NBEA: variants seen among roughly 807,000 people sequenced by gnomAD.
The protein encoded by NBEA is neurobeachin.
A neutral mutation model predicts 343.4 loss-of-function variants in NBEA; 44 were observed. The observed-to-expected ratio is 0.13, with a 90% CI of 0.10 to 0.16. The LOEUF is 0.16. Among genes scored for constraint, NBEA ranks in the 10% least tolerant of loss-of-function variants. The probability of loss-of-function intolerance (pLI) is 1.00; values close to 1 mark genes in which losing one functional copy is unlikely to be tolerated. For missense variants in NBEA, 2,555 were observed against 3,631.3 expected (o/e 0.70, Z 7.62); for synonymous variants, 1,175 against 1,238.7 (o/e 0.95, Z 1.08).
chr13:35,143,248 G>A (rs1030584235), intron 18 of NBEA, among the ~76,000 whole-genome samples: 1 of 152,180 alleles, frequency 6.6e-6, no homozygotes, highest in African/African-American at 2.4e-5. Context: ...TGCCACGACC[G>A]CAGAGTTAAA....
At chr13:35,062,135 G>T (rs2063489765) in intron 8 of NBEA, among the ~76,000 whole-genome samples, 1 of 151,584 alleles carries the variant, frequency 6.6e-6, no homozygotes, top group Admixed American at 6.6e-5. Flanking sequence ...TAGTGAGGTA[G>T]AGAAAAATTT....
intron 41 of NBEA, among the ~76,000 whole-genome samples, chr13:35,513,839 A>G (rs912551285): frequency 2.0e-4 from 31 of 152,202 alleles, no homozygotes; most frequent in African/African-American, 7.5e-4. Context: ...TACTTTTTTA[A>G]AAAAACCTAA....
chr13:35,274,239 A>G (rs2034414040), intron 34 of NBEA, among the ~76,000 whole-genome samples: 1 of 152,234 alleles, frequency 6.6e-6, no homozygotes, highest in Non-Finnish European at 1.5e-5. Context: ...AATCCATGAC[A>G]TAAACAGAAC....
At chr13:35,046,853 A>G (rs980048993) in intron 4 of NBEA, among the ~76,000 whole-genome samples, 13 of 152,062 alleles carry the variant, frequency 8.5e-5, no homozygotes, top group Admixed American at 2.6e-4. Flanking sequence ...GTACCTCATC[A>G]TAGTTTTAAT....
intron 48 of NBEA, among the ~76,000 whole-genome samples, chr13:35,616,234 G>GT (rs1482841439): frequency 6.6e-6 from 1 of 152,150 alleles, no homozygotes; most frequent in East Asian, 1.9e-4. Flanking sequence ...CCGTCTTAAA[G>GT]TCTGTAAAAT....
chr13:35,198,817 A>C (rs1465206335), intron 31 of NBEA, among the ~76,000 whole-genome samples: 2 of 152,148 alleles, frequency 1.3e-5, no homozygotes, highest in South Asian at 2.1e-4. Flanking sequence ...GCGGCCTTGC[A>C]CTGCACGTAA....
intron 35 of NBEA, among the ~76,000 whole-genome samples, chr13:35,301,731 A>G (rs1256567378): frequency 1.3e-5 from 2 of 152,080 alleles, no homozygotes; most frequent in African/African-American, 4.8e-5. Context: ...GTCAAATGGT[A>G]TTTCTGGTTC....
rs114844323 is a variant in NBEA, at chr13:35,127,491, A to G, written c.2336+3917A>G. Among the ~76,000 whole-genome samples, 699 of 152,322 alleles carry G rather than the reference A, an allele frequency of 4.6e-3. 2 individuals carry two copies. Among genetic ancestry groups the G allele is most frequent in the African/African-American group, 0.016 (675 of 41,592 alleles). ...CCAGAATTTACTTTTTATATATGCTAATAATGTACAAATGACACAACCGTA... is the reference window on the plus strand; with the variant it reads ...CCAGAATTTACTTTTTATATATGCTGATAATGTACAAATGACACAACCGTA... On this transcript the variant is annotated intron_variant, in intron 17 of 58. Coordinates refer to ENST00000379939, the MANE Select transcript of NBEA (RefSeq NM_001385012.1).
chr13:35,000,593 A>AAC (rs58091499), intron 1 of NBEA, among the ~76,000 whole-genome samples: 7,432 of 147,358 alleles, frequency 0.05, 430 homozygotes, highest in African/African-American at 0.14. Flanking sequence ...TAATATATAT[A>AAC]ACACACACAC....
chr13:34,966,695 A>T (rs2152495554), intron 1 of NBEA, among the ~76,000 whole-genome samples: 1 of 150,366 alleles, frequency 6.7e-6, no homozygotes, highest in African/African-American at 2.4e-5. Context: ...TATGAAAATG[A>T]GGTAAATGAT....
chr13:35,466,436 C>A (rs1047510242), intron 40 of NBEA, among the ~76,000 whole-genome samples: 4 of 152,112 alleles, frequency 2.6e-5, no homozygotes, highest in Non-Finnish European at 5.9e-5. Context: ...GCATTGTATT[C>A]TATGAGTTGT....
intron 23 of NBEA, among the ~76,000 whole-genome samples, chr13:35,163,501 T>G (rs1276341303): frequency 1.3e-5 from 2 of 151,736 alleles, no homozygotes; most frequent in Non-Finnish European, 2.9e-5. Flanking sequence ...GGCGTGGTGG[T>G]GTCCACCTGT....
intron 1 of NBEA, among the ~76,000 whole-genome samples, chr13:34,976,748 C>T (rs2060192043): frequency 1.3e-5 from 2 of 149,152 alleles, no homozygotes; most frequent in African/African-American, 5.0e-5. Flanking sequence ...GAGGCCTAAG[C>T]ATGGAGGGCA....
intron 30 of NBEA, among the ~76,000 whole-genome samples, chr13:35,189,081 G>C (rs140329075): frequency 0.031 from 4,727 of 151,696 alleles, 102 homozygotes; most frequent in Non-Finnish European, 0.045. Flanking sequence ...ACCATGCTGG[G>C]CTAATTTTTG....
chr13:35,088,528 A>G (rs953565457), intron 10 of NBEA, among the ~76,000 whole-genome samples: 1 of 151,950 alleles, frequency 6.6e-6, no homozygotes, highest in African/African-American at 2.4e-5. Context: ...TGTTTTTAGT[A>G]GAACTTAGTA....
chr13:35,007,328 A>G (rs1451256892), intron 1 of NBEA, among the ~76,000 whole-genome samples: 1 of 151,614 alleles, frequency 6.6e-6, no homozygotes, highest in Non-Finnish European at 1.5e-5. Context: ...ATATGACTGA[A>G]TTTTTTTTGA....
chr13:34,962,974 A>T (rs2059706549), intron 1 of NBEA, among the ~76,000 whole-genome samples: 1 of 152,086 alleles, frequency 6.6e-6, no homozygotes, highest in East Asian at 1.9e-4. Flanking sequence ...AAGATTATTT[A>T]GTTTTTCAGA....
chr13:35,212,749 T>C (rs1593771872), intron 33 of NBEA, among the ~76,000 whole-genome samples: 1 of 152,142 alleles, frequency 6.6e-6, no homozygotes, highest in Non-Finnish European at 1.5e-5. Context: ...GGCATTCCAT[T>C]GTATTTTTAG....
At chr13:35,279,726 T>C (rs894614111) in intron 34 of NBEA, among the ~76,000 whole-genome samples, 3 of 152,160 alleles carry the variant, frequency 2.0e-5, no homozygotes, top group Non-Finnish European at 4.4e-5. Context: ...ACTTTGACCA[T>C]CAGTCTTCAG....
Sources: allele counts gnomAD v4.1 joint callset (sites outside exome capture counted in the v4.1 genomes callset), GRCh38; gene constraint gnomAD v4.1.1; transcripts MANE v1.5; gene names NCBI Gene and HGNC (gene_info 2026-07-23, HGNC 2026-07-21).